Variants in HERC2 observed in about 807,000 individuals in gnomAD.
The protein encoded by HERC2 is HECT and RLD domain containing E3 ubiquitin protein ligase 2, also known as E3 ubiquitin-protein ligase HERC2.
In HERC2, 102 loss-of-function variants were observed where a neutral mutation model predicts 537.7. The ratio of observed to expected loss-of-function variants is 0.19; its 90% CI spans 0.16 to 0.22. HERC2 has a LOEUF of 0.22. HERC2 is among the 10% of genes least tolerant of loss of function. HERC2 has a pLI of 1.00. For synonymous variants in HERC2, 2,224 were observed against 2,466.2 expected (o/e 0.90, Z 2.91); for missense variants, 4,236 against 6,198.2 (o/e 0.68, Z 10.63).
chr15:28,177,738 T>C lies in HERC2; in HGVS notation c.9164-229A>G, dbSNP rs142576846. On this transcript the variant is annotated intron_variant, in intron 59 of 92. Coordinates refer to ENST00000261609, the MANE Select transcript of HERC2 (RefSeq NM_004667.6). This position sits in a 1 kb window ranked among gnomAD's most constrained non-coding sequence, Gnocchi z 5.0. Reference sequence around the variant, plus strand: ...TACAAATTTTAACTCTAGAAAGAATTTGCAAAGAGGCAAAATAATACTGAT... The same window carrying C: ...TACAAATTTTAACTCTAGAAAGAATCTGCAAAGAGGCAAAATAATACTGAT... 5.1e-4 allele frequency among the ~76,000 whole-genome samples: 77 copies of C among 152,276 alleles called. No individual in the cohort carries two copies. In the East Asian group the frequency reaches 9.7e-3, roughly 19 times the overall value.
rs1895011904 is a variant in HERC2 at position 28,174,253 on chromosome 15, C to T, written c.10057+142G>A. ...CATGTATAAATCGCATGAGAGCACA[C>T]CATAATTCTTCTGTGTCTTTAGAGT... On this transcript the variant is annotated intron_variant, in intron 65 of 92. Coordinates refer to ENST00000261609, the MANE Select transcript of HERC2 (RefSeq NM_004667.6). 4.6e-6 allele frequency: 3 copies of T among 649,330 alleles called. No homozygotes were observed. The South Asian group carries it at 6.3e-5, about 14-fold the overall frequency. The allele number at this position is 649,330 out of a possible 1,614,324, so 40.2% of individuals were successfully genotyped here. A position where few individuals can be genotyped will look rare whatever the true frequency, so the allele number is the denominator to read the frequency against.
intron 25 of HERC2, among the ~76,000 whole-genome samples, chr15:28,237,526 T>C (rs542176462): frequency 1.2e-4 from 18 of 152,358 alleles, no homozygotes; most frequent in African/African-American, 4.3e-4. Context: ...ACCACACATG[T>C]AGAGGAAATG....
intron 71 of HERC2, 28 bp downstream of exon 71, chr15:28,146,209 C>T (rs1891717624): frequency 6.7e-7 from 1 of 1,496,150 alleles, no homozygotes; most frequent in Non-Finnish European, 9.3e-7. Flanking sequence ...GTGGGTAGAT[C>T]ATGCCCTGCT....
At chr15:28,199,340 C>T (rs1033404535) in intron 48 of HERC2, among the ~76,000 whole-genome samples, 24 of 152,094 alleles carry the variant, frequency 1.6e-4, no homozygotes, top group African/African-American at 5.3e-4. Context: ...CAAAAGGATT[C>T]CCTGATCATC....
intron 2 of HERC2, among the ~76,000 whole-genome samples, chr15:28,317,458 T>G (rs571449349): frequency 6.6e-6 from 1 of 152,344 alleles, no homozygotes; most frequent in Non-Finnish European, 1.5e-5. Flanking sequence ...CATTCTTAAT[T>G]GATGATTAGA....
intron 23 of HERC2, among the ~76,000 whole-genome samples, chr15:28,241,670 A>G (rs1375064266): frequency 2.6e-5 from 4 of 152,068 alleles, no homozygotes; most frequent in African/African-American, 9.7e-5. Flanking sequence ...AATACAAAAA[A>G]TTAGCTGGGC....
In HERC2 at chr15:28,113,873, C is replaced by T. The variant is rs1381817091; in HGVS notation, c.13914-195G>A. Among the ~76,000 whole-genome samples, 1 of 152,168 alleles carries T rather than the reference C, an allele frequency of 6.6e-6. No homozygotes were observed. On this transcript the variant is annotated intron_variant, in intron 90 of 92. Coordinates refer to ENST00000261609, the MANE Select transcript of HERC2 (RefSeq NM_004667.6). This position sits in a 1 kb window ranked among gnomAD's most constrained non-coding sequence, Gnocchi z 7.0. ...TCTCCTGACACTGGGCTCATCTCGT[C>T]CAGCCGACAGGGTACGGCCTAATGA...
intron 3 of HERC2, among the ~76,000 whole-genome samples, chr15:28,295,308 T>TTGG (rs1555455007): frequency 3.8e-5 from 3 of 79,622 alleles, no homozygotes; most frequent in Non-Finnish European, 7.3e-5. Flanking sequence ...TACATGTGTG[T>TTGG]GGGGGGGGGG....
chr15:28,239,126 T>C (rs1902775365), intron 23 of HERC2, among the ~76,000 whole-genome samples: 2 of 152,172 alleles, frequency 1.3e-5, no homozygotes, highest in Admixed American at 6.5e-5. Context: ...TTCATCCACA[T>C]ATTTGAAAAT....
At chr15:28,266,691 TG>T (rs2075576990) in intron 12 of HERC2, among the ~76,000 whole-genome samples, 1 of 152,204 alleles carries the variant, frequency 6.6e-6, no homozygotes, top group Non-Finnish European at 1.5e-5. Context: ...TGTATGGCTT[TG>T]TTATATTAAA....
At chr15:28,130,365 C>T (rs903994112) in intron 82 of HERC2, 63 bp from the exon 83 acceptor site, 14 of 1,609,556 alleles carry the variant, frequency 8.7e-6, no homozygotes, top group Non-Finnish European at 1.2e-5. Context: ...CCCTGACCAG[C>T]CTCCTGGGCA....
chr15:28,219,455 T>C (rs2140488592), intron 37 of HERC2, among the ~76,000 whole-genome samples: 1 of 152,348 alleles, frequency 6.6e-6, no homozygotes, highest in East Asian at 1.9e-4. Context: ...ATAGGCTGGA[T>C]GCTGGCGGCC....
intron 68 of HERC2, among the ~76,000 whole-genome samples, chr15:28,166,138 AAC>A (rs2142475064): frequency 6.6e-6 from 1 of 152,332 alleles, no homozygotes; most frequent in South Asian, 2.1e-4. Flanking sequence ...TCTTCTAAAA[AAC>A]AGAAGAGAAA....
At chr15:28,141,326 G>A in intron 78 of HERC2, 106 bp downstream of exon 78, 1 of 870,984 alleles carries the variant, frequency 1.1e-6, no homozygotes, top group Non-Finnish European at 1.9e-6. Context: ...TTAATCCTGA[G>A]AAACGTTTTA....
chr15:28,130,700 T>A, intron 81 of HERC2, 106 bp from the exon 82 acceptor site: 1 of 839,794 alleles, frequency 1.2e-6, no homozygotes, highest in South Asian at 1.4e-5. Context: ...TGAAAACTTG[T>A]ACCCATGATG....
At chr15:28,198,879 G>A in intron 48 of HERC2, 110 bp from the exon 49 acceptor site, 2 of 1,052,390 alleles carry the variant, frequency 1.9e-6, no homozygotes, top group South Asian at 1.6e-5. Context: ...TGGGCATGGT[G>A]GCTCACGTCT....
chr15:28,247,286 A>G (rs1034510607), intron 21 of HERC2, among the ~76,000 whole-genome samples: 1 of 151,958 alleles, frequency 6.6e-6, no homozygotes, highest in Non-Finnish European at 1.5e-5. Context: ...ATGCACTACC[A>G]CACCCAGCTC....
rs767782816 is a variant in HERC2 at position 28,272,317 on chromosome 15, C to G, written c.981G>C (p.Glu327Asp). Residue 327 changes from glutamate (E) to aspartate (D), a missense_variant, in exon 9 of 93, where the codon GAG becomes GAC. Around this residue, in one of 27 missense-constraint regions of HERC2, gnomAD observed 491 missense variants for 559.3 expected, o/e 0.88. Transcript: ENST00000261609. The stretch of plus-strand genomic sequence containing the variant: ...GGGCGCTGGTGCCCTGGGCGGAACG[C>G]TCATTGTCAGTCTCCTGTGCCCCGC... Reference protein sequence around the residue: ...WDSGAQETDNERSAQGTSAPL... With the variant: ...WDSGAQETDNDRSAQGTSAPL... 1 of 1,612,080 alleles carries G rather than the reference C, an allele frequency of 6.2e-7. No homozygotes were observed.
intron 35 of HERC2, among the ~76,000 whole-genome samples, chr15:28,222,789 T>C (rs8182028): frequency 0.069 from 10,527 of 152,212 alleles, 891 homozygotes; most frequent in East Asian, 0.42. Context: ...CTTTCCTTGT[T>C]CTGGAACTTC....
Sources: gnomAD v4.1 joint callset for allele counts (sites outside exome capture counted in the v4.1 genomes callset) on GRCh38, gnomAD v4.1.1 for gene constraint, gnomAD v4.1.1 regional missense constraint, Gnocchi (gnomAD v3.1) non-coding constraint, MANE v1.5 for transcripts, NCBI Gene and HGNC (gene_info 2026-07-23, HGNC 2026-07-21) for gene names.